The following GRM7 variants were observed in gnomAD, a reference collection of about 807,000 sequenced individuals.
GRM7 encodes glutamate metabotropic receptor 7, also known as metabotropic glutamate receptor 7.
GRM7 carries 35 observed loss-of-function variants against 84.5 expected under a neutral mutation model. The observed-to-expected ratio is 0.41, with a 90% confidence interval of 0.32 to 0.55. GRM7 has a LOEUF of 0.55. Ranked by LOEUF, GRM7 falls within the 20% of genes least tolerant of loss-of-function variation. The pLI, the probability that GRM7 is intolerant of heterozygous loss-of-function variation, is 0.19. For synonymous variants in GRM7, 487 were observed against 455.1 expected, an observed-to-expected ratio of 1.07 and a Z score of -0.89; for missense variants, 1,003 against 1,194.6, an observed-to-expected ratio of 0.84 and a Z score of 2.36.
intron 1 of GRM7, among the ~76,000 whole-genome samples, chr3:7,051,562 C>G (rs191925313): frequency 7.2e-5 from 11 of 151,836 alleles, no homozygotes; most frequent in Non-Finnish European, 1.6e-4. Context: ...CTTTTTAACT[C>G]AAATTACTGA....
At chr3:6,998,325 G>A (rs998916815) in intron 1 of GRM7, among the ~76,000 whole-genome samples, 3 of 152,146 alleles carry the variant, frequency 2.0e-5, no homozygotes, top group Non-Finnish European at 4.4e-5. Flanking sequence ...GCTGATGCAA[G>A]AGGTGGGCTG....
chr3:7,276,785 T>TCCTCCCTCCTC (rs1385259133), intron 2 of GRM7, among the ~76,000 whole-genome samples: 2 of 62,754 alleles, frequency 3.2e-5, no homozygotes, highest in Non-Finnish European at 5.4e-5. Context: ...CTTCCTTCCT[T>TCCTCCCTCCTC]CCTTCCTTCC....
At chr3:7,476,916 A>G (rs1347298160) in intron 7 of GRM7, among the ~76,000 whole-genome samples, 5 of 152,198 alleles carry the variant, frequency 3.3e-5, no homozygotes, top group Non-Finnish European at 7.3e-5. Context: ...GACACATTTC[A>G]CCTTACTTGT....
At chr3:7,033,926 C>T (rs1430057061) in intron 1 of GRM7, among the ~76,000 whole-genome samples, 4 of 152,076 alleles carry the variant, frequency 2.6e-5, no homozygotes, top group Non-Finnish European at 4.4e-5. Flanking sequence ...TTCCTTCTGG[C>T]CTTAGGTTAC....
At chr3:7,066,064 C>A (rs11915995) in intron 1 of GRM7, among the ~76,000 whole-genome samples, 16,552 of 151,620 alleles carry the variant, frequency 0.11, 1,210 homozygotes, top group African/African-American at 0.21. Flanking sequence ...TAAACGTCTA[C>A]ATCAAAAAGT....
chr3:6,931,808 A>G (rs1437825622), intron 1 of GRM7, among the ~76,000 whole-genome samples: 1 of 152,234 alleles, frequency 6.6e-6, no homozygotes, highest in Non-Finnish European at 1.5e-5. Flanking sequence ...CTCAGCACAG[A>G]TGCCTGGAAG....
intron 8 of GRM7, among the ~76,000 whole-genome samples, chr3:7,627,730 G>A (rs563924496): frequency 1.3e-5 from 2 of 152,280 alleles, no homozygotes; most frequent in Admixed American, 6.5e-5. Flanking sequence ...TGAGATCTAG[G>A]TGTTAGCAGA....
intron 1 of GRM7, among the ~76,000 whole-genome samples, chr3:6,875,972 G>A (rs1331204663): frequency 6.6e-6 from 1 of 152,094 alleles, no homozygotes; most frequent in East Asian, 1.9e-4. Flanking sequence ...TTGAATGGAA[G>A]AAAGTTATGG....
intron 2 of GRM7, among the ~76,000 whole-genome samples, chr3:7,232,567 C>A (rs2124903258): frequency 6.6e-6 from 1 of 152,230 alleles, no homozygotes; most frequent in South Asian, 2.1e-4. Flanking sequence ...GATAAGGATG[C>A]AAGTCAATCA....
At chr3:7,346,173 T>C (rs1692885112) in intron 4 of GRM7, among the ~76,000 whole-genome samples, 1 of 152,170 alleles carries the variant, frequency 6.6e-6, no homozygotes, top group Non-Finnish European at 1.5e-5. Flanking sequence ...TCATTATTCA[T>C]GGGCACTTGT....
chr3:7,575,678 T>C (rs1440980765), intron 7 of GRM7, among the ~76,000 whole-genome samples: 1 of 152,210 alleles, frequency 6.6e-6, no homozygotes. Context: ...TAATGATTTT[T>C]GTTAGCAAAA....
chr3:6,871,294 ACAAT>A (rs1351615298), intron 1 of GRM7, among the ~76,000 whole-genome samples: 1 of 152,092 alleles, frequency 6.6e-6, no homozygotes, highest in Non-Finnish European at 1.5e-5. Flanking sequence ...CTCTTTAATG[ACAAT>A]CAATTCTGAG....
intron 8 of GRM7, among the ~76,000 whole-genome samples, chr3:7,662,233 G>T (rs893574226): frequency 6.6e-6 from 1 of 152,178 alleles, no homozygotes; most frequent in Non-Finnish European, 1.5e-5. Flanking sequence ...GCGAATTATG[G>T]GGGAGGTTGA....
At chr3:7,321,861 T>G (rs1352138659) in intron 4 of GRM7, among the ~76,000 whole-genome samples, 1 of 152,102 alleles carries the variant, frequency 6.6e-6, no homozygotes, top group Admixed American at 6.6e-5. Flanking sequence ...TGTCTCAAAT[T>G]GATTATTTCA....
At chr3:7,625,709 A>ACAGGTGCAGGTTGCAC (rs1697576894) in intron 8 of GRM7, among the ~76,000 whole-genome samples, 1 of 152,160 alleles carries the variant, frequency 6.6e-6, no homozygotes, top group African/African-American at 2.4e-5. Context: ...ACAGAAGAAT[A>ACAGGTGCAGGTTGCAC]TTCCCTGTCT....
chr3:7,696,139 C>T (rs938723640), intron 9 of GRM7, among the ~76,000 whole-genome samples: 13 of 152,156 alleles, frequency 8.5e-5, no homozygotes, highest in Admixed American at 2.0e-4. Context: ...GTTCTTAATA[C>T]TCCCCATTGC....
At position 7,358,555 on chromosome 3, in the gene GRM7, T is replaced by C. The variant is rs1413380216; in HGVS notation, c.1033+51903T>C. Among the ~76,000 whole-genome samples, 2 of 148,556 alleles carry C rather than the reference T, an allele frequency of 1.3e-5. 1 individual carries two copies. The highest frequency in any genetic ancestry group is 1.3e-4 in the Admixed American group (2 of 14,888). ...ATTTTTTTCTGAAAAATTCACAATA[T>C]ATTTTAATCTCATAAAGGTTCTGAG... On this transcript the variant is annotated intron_variant, in intron 4 of 9. Transcript: ENST00000357716.
intron 7 of GRM7, among the ~76,000 whole-genome samples, chr3:7,533,556 C>T (rs1701124258): frequency 6.6e-6 from 1 of 152,094 alleles, no homozygotes; most frequent in African/African-American, 2.4e-5. Context: ...ATCTTTATGC[C>T]TGTGGCCCCA....
chr3:7,594,986 A>T (rs1293689367), intron 8 of GRM7, among the ~76,000 whole-genome samples: 2 of 151,852 alleles, frequency 1.3e-5, no homozygotes, highest in African/African-American at 4.8e-5. Flanking sequence ...TTCTGAGGCA[A>T]TCCTCATTTT....
Sources: gnomAD v4.1 joint callset for allele counts (sites outside exome capture counted in the v4.1 genomes callset) on GRCh38, gnomAD v4.1.1 for gene constraint, MANE v1.5 for transcripts, NCBI Gene and HGNC (gene_info 2026-07-23, HGNC 2026-07-21) for gene names.